Variants in ZNF131 observed in about 807,000 individuals in gnomAD.
ZNF131 encodes zinc finger and BTB domain containing 35, also known as zinc finger protein 131.
ZNF131 carries 7 observed loss-of-function variants against 60.0 expected under a neutral mutation model. The ratio of observed to expected loss-of-function variants is 0.12; its 90% CI spans 0.07 to 0.22. The LOEUF (loss-of-function observed/expected upper bound fraction) is 0.22, where lower values mean the gene tolerates loss of function less well. ZNF131 is among the 10% of genes least tolerant of loss of function. ZNF131 has a pLI of 1.00. For missense variants in ZNF131, 493 were observed against 740.9 expected (o/e 0.67, Z 3.88); for synonymous variants, 257 against 253.2 (o/e 1.01, Z -0.14).
At chr5:43,128,151 T>C (rs1457990049) in intron 3 of ZNF131, among the ~76,000 whole-genome samples, 2 of 152,214 alleles carry the variant, frequency 1.3e-5, no homozygotes, top group Admixed American at 6.5e-5. Context: ...GATACTCTCT[T>C]AGAAAAGTTG....
At chr5:43,169,563 A>G (rs1343125665) in intron 5 of ZNF131, among the ~76,000 whole-genome samples, 1 of 149,296 alleles carries the variant, frequency 6.7e-6, no homozygotes, top group African/African-American at 2.4e-5. Context: ...TTGTCATTTT[A>G]AAAAATATAT....
chr5:43,123,456 G>T, intron 3 of ZNF131, 146 bp downstream of exon 3: 4 of 557,878 alleles, frequency 7.2e-6, no homozygotes, highest in Non-Finnish European at 1.2e-5. Context: ...GGCATCAGTA[G>T]TTCCTGTAGG....
intron 4 of ZNF131, among the ~76,000 whole-genome samples, chr5:43,142,334 T>TC (rs1350753800): frequency 2.9e-5 from 4 of 139,798 alleles, no homozygotes; most frequent in South Asian, 2.6e-4. Context: ...AGAGCAAGAC[T>TC]CCATCGCCCA....
At chr5:43,143,467 T>C (rs1747126554) in intron 4 of ZNF131, 5 of 1,328,254 alleles carry the variant, frequency 3.8e-6, no homozygotes, top group Non-Finnish European at 4.0e-6. Context: ...CACGCTGTAT[T>C]TGAAGTTTCT....
chr5:43,162,741 TAAAA>T (rs1231846339), intron 5 of ZNF131, among the ~76,000 whole-genome samples: 1 of 150,284 alleles, frequency 6.7e-6, no homozygotes, highest in East Asian at 2.0e-4. Flanking sequence ...CCGTCTCTAC[TAAAA>T]ATACAAAAAA....
At chr5:43,134,693 CTT>C (rs149464238) in intron 3 of ZNF131, among the ~76,000 whole-genome samples, 2 of 88,414 alleles carry the variant, frequency 2.3e-5, no homozygotes, top group African/African-American at 4.5e-5. Context: ...TTCTTTTTTT[CTT>C]TTTTTTTTTT....
chr5:43,175,646 C>T lies in ZNF131; in HGVS notation c.*513C>T, dbSNP rs1751495214. 2.2e-6 allele frequency: 1 copy of T among 449,926 alleles called. No individual in the cohort carries two copies. Among genetic ancestry groups the T allele is most frequent in the Non-Finnish European group, 3.9e-6 (1 of 254,336 alleles). 27.9% of individuals were successfully genotyped at this position (449,926 alleles called of 1,614,324 possible). ...GCTTTCTTTAGTTTGAACAAACGTT[C>T]TTGTCTACCCCAGTAGTCACAGATG... On this transcript the variant is annotated 3_prime_UTR_variant, in exon 7 of 7. Coordinates refer to ENST00000682664, the MANE Select transcript of ZNF131 (RefSeq NM_001330707.2).
chr5:43,146,566 G>T (rs1439259974), intron 4 of ZNF131, among the ~76,000 whole-genome samples: 1 of 151,006 alleles, frequency 6.6e-6, no homozygotes, highest in African/African-American at 2.4e-5. Flanking sequence ...CTGCACTCCA[G>T]CCTGGGCGAC....
At chr5:43,144,419 G>C (rs959435481) in intron 4 of ZNF131, among the ~76,000 whole-genome samples, 1 of 151,476 alleles carries the variant, frequency 6.6e-6, no homozygotes, top group African/African-American at 2.4e-5. Context: ...TGGTAGAGTC[G>C]GAGTTTCACC....
chr5:43,157,329 A>C (rs1227867840), intron 4 of ZNF131, among the ~76,000 whole-genome samples: 1 of 152,114 alleles, frequency 6.6e-6, no homozygotes, highest in Non-Finnish European at 1.5e-5. Flanking sequence ...CAAAGCTGTG[A>C]CTCACCTGGC....
At chr5:43,141,943 C>T (rs1746884597) in intron 4 of ZNF131, among the ~76,000 whole-genome samples, 2 of 152,068 alleles carry the variant, frequency 1.3e-5, no homozygotes, top group South Asian at 2.1e-4. Flanking sequence ...TATAATAATG[C>T]AGTGTTTAAG....
At position 43,175,243 on chromosome 5, in the gene ZNF131, T is replaced by TG; in HGVS notation, c.*111dup. 9.1e-7 allele frequency: 1 copy of TG among 1,098,512 alleles called. No individual in the cohort carries two copies. The highest frequency in any genetic ancestry group is 1.6e-5 in the South Asian group (1 of 61,540). 68.0% of individuals were successfully genotyped at this position (1,098,512 alleles called of 1,614,324 possible). ...ACAGACAAGTGGACCAAAGTTAAGCTGTTTCCTGTTGTGCTGAACTGTTGT... is the reference window on the plus strand; with the variant it reads ...ACAGACAAGTGGACCAAAGTTAAGCTGGTTTCCTGTTGTGCTGAACTGTTGT... On this transcript the variant is annotated 3_prime_UTR_variant, in exon 7 of 7. Coordinates refer to ENST00000682664, the MANE Select transcript of ZNF131 (RefSeq NM_001330707.2).
intron 5 of ZNF131, among the ~76,000 whole-genome samples, chr5:43,172,655 C>G (rs796728938): frequency 6.6e-6 from 1 of 152,018 alleles, no homozygotes; most frequent in African/African-American, 2.4e-5. Context: ...TATAAATCAC[C>G]CTCTATTTGG....
At chr5:43,135,355 C>T (rs1235648164) in intron 3 of ZNF131, among the ~76,000 whole-genome samples, 1 of 152,092 alleles carries the variant, frequency 6.6e-6, no homozygotes, top group African/African-American at 2.4e-5. Context: ...GGAGAACAAT[C>T]CCATTTATAT....
chr5:43,122,321 G>A, intron 2 of ZNF131, 144 bp downstream of exon 2: 6 of 1,041,304 alleles, frequency 5.8e-6, no homozygotes, highest in Non-Finnish European at 8.1e-6. Context: ...TGTGCACTGG[G>A]ACCAGATTGC....
intron 4 of ZNF131, among the ~76,000 whole-genome samples, chr5:43,159,822 C>A (rs191370351): frequency 6.6e-6 from 1 of 151,646 alleles, no homozygotes; most frequent in East Asian, 1.9e-4. Context: ...TTGATGAAAT[C>A]TATTTTATCA....
At chr5:43,135,084 C>T (rs1056961924) in intron 3 of ZNF131, among the ~76,000 whole-genome samples, 11 of 151,292 alleles carry the variant, frequency 7.3e-5, no homozygotes, top group African/African-American at 1.2e-4. Context: ...CCCCAACCTC[C>T]GCCTCCCAGG....
intron 4 of ZNF131, among the ~76,000 whole-genome samples, chr5:43,160,749 T>G (rs1412565569): frequency 2.0e-5 from 3 of 147,732 alleles, no homozygotes; most frequent in Non-Finnish European, 3.0e-5. Flanking sequence ...AATGGTGCGA[T>G]CTTGGCTCAC....
chr5:43,122,081 C>G lies in ZNF131; in HGVS notation c.28C>G (p.Leu10Val), dbSNP rs769540425. The G allele has an allele frequency of 3.1e-6, 5 of 1,614,072 alleles. No homozygotes were observed. Among genetic ancestry groups the G allele is most frequent in the Non-Finnish European group, 4.2e-6 (5 of 1,180,014 alleles). Residue 10 changes from leucine to valine, a missense_variant, in exon 2 of 7, where the codon CTT (leucine) becomes GTT (valine). Coordinates refer to ENST00000682664, the MANE Select transcript of ZNF131 (RefSeq NM_001330707.2). MEAEETMEC[L>V]QEFPEHHKMI... ...GGAGGCTGAAGAGACGATGGAATGC[C>G]TTCAGGAGTTCCCTGAACATCATAA...
Sources: allele counts gnomAD v4.1 joint callset (sites outside exome capture counted in the v4.1 genomes callset), GRCh38; gene constraint gnomAD v4.1.1; transcripts MANE v1.5; gene names NCBI Gene and HGNC (gene_info 2026-07-23, HGNC 2026-07-21).